TUBA3E: variants seen among roughly 807,000 people sequenced by gnomAD.
TUBA3E encodes tubulin alpha 3e.
TUBA3E carries 21 observed loss-of-function variants against 36.7 expected under a neutral mutation model. That is an observed-to-expected ratio of 0.57 (90% confidence interval 0.41 to 0.83). The LOEUF (loss-of-function observed/expected upper bound fraction) is 0.83. Among genes scored for constraint, TUBA3E ranks in the 40% least tolerant of loss-of-function variants. The probability of loss-of-function intolerance (pLI) is 0.00; values close to 1 mark genes in which losing one functional copy is unlikely to be tolerated. For synonymous variants in TUBA3E, 177 were observed against 241.9 expected (o/e 0.73, Z 2.49); for missense variants, 469 against 604.2 (o/e 0.78, Z 2.35).
chr2:130,197,597 G>C lies in TUBA3E; in HGVS notation c.3+761C>G, dbSNP rs533453821. Among the ~76,000 whole-genome samples, 674 of 127,312 alleles carry C rather than the reference G, an allele frequency of 5.3e-3. 165 individuals are homozygous for C. Among genetic ancestry groups the C allele is most frequent in the Non-Finnish European group, 8.7e-3 (500 of 57,162 alleles). 83.5% of individuals were successfully genotyped at this position (127,312 alleles called of 152,430 possible). On this transcript the variant is annotated intron_variant, in intron 1 of 4. Transcript: ENST00000312988. ...GACTTGGGACTTGGGAATCTGTTAT[G>C]TTAATGGGCTGCTTTTTTTGTTTGG...
chr2:130,193,809 C>T lies in TUBA3E; in HGVS notation c.1033G>A (p.Asp345Asn), dbSNP rs550973540. The change falls in exon 4 of 5, where the codon GAT becomes AAT. Residue 345 changes from aspartate to asparagine, a missense_variant. By Grantham distance (23) the Asp-to-Asn change is conservative. Around this residue, in one of 3 missense-constraint regions of TUBA3E, gnomAD observed 296 missense variants for 346.9 expected, o/e 0.85. Transcript: ENST00000312988. ...IKTKRTIQFV[D>N]WCPTGFKVGI... ...ACCTTAAATCCAGTCGGGCACCAAT[C>T]CACAAACTGGATAGTGCGCTTGGTC... 1 of 1,610,706 alleles carries T rather than the reference C, an allele frequency of 6.2e-7. No individual in the cohort carries two copies. Among genetic ancestry groups the T allele is most frequent in the East Asian group, 2.2e-5 (1 of 44,770 alleles).
chr2:130,194,500 G>A (rs2463341), intron 3 of TUBA3E, 34 bp from the exon 4 acceptor site: 95 of 1,519,496 alleles, frequency 6.3e-5, no homozygotes, highest in Middle Eastern at 2.1e-4. Flanking sequence ...GCCAATGCCC[G>A]TGGAAGCCAC....
At position 130,194,389 on chromosome 2, in the gene TUBA3E, A is replaced by C; in HGVS notation, c.453T>G (p.Ser151=). The change falls in exon 4 of 5, where the codon TCT becomes TCG. Residue 151 remains serine (S), a synonymous_variant. Coordinates refer to ENST00000312988, the MANE Select transcript of TUBA3E (RefSeq NM_207312.3). ...FGGGTGSGFA[S]LLMERLSVDY... is the part of the protein sequence containing the mutation. ...CCACTGAGAGCCGCTCCATGAGCAG[A>C]GATGCGAACCCAGAGCCAGTGCCGC... is the stretch of plus-strand genomic sequence containing the variant. 6.2e-7 allele frequency: 1 copy of C among 1,613,022 alleles called. No homozygotes were observed. The highest frequency in any genetic ancestry group is 8.5e-7 in the Non-Finnish European group (1 of 1,179,746).
rs147787284 is a variant in TUBA3E, at chr2:130,191,849, T to C, written c.1335A>G (p.Glu445=). The C allele has an allele frequency of 1.5e-3, 2,391 of 1,607,638 alleles. 47 individuals carry two copies. The African/African-American group carries it at 0.029, about 20-fold the overall frequency. Residue 445 remains glutamate, a synonymous_variant, in exon 5 of 5, where the codon GAA becomes GAG. Coordinates refer to ENST00000312988, the MANE Select transcript of TUBA3E (RefSeq NM_207312.3). ...CCTCCCCTCAGTATGCTTCGCCTTC[T>C]TCAGCCTCAGCTTCCACGGAATCCA... ...VGVDSVEAEA[E]EGEAY
intron 1 of TUBA3E, 145 bp downstream of exon 1, chr2:130,198,213 C>G: frequency 1.1e-6 from 1 of 939,344 alleles, no homozygotes. Flanking sequence ...AGGAAACGAT[C>G]CCGTGTCCTC....
intron 2 of TUBA3E, 101 bp downstream of exon 2, chr2:130,196,048 C>G (rs1690394398): frequency 7.4e-7 from 1 of 1,356,694 alleles, no homozygotes; most frequent in Admixed American, 2.6e-5. Context: ...GCCTGTCTAT[C>G]CCATCCTTTC....
intron 4 of TUBA3E, among the ~76,000 whole-genome samples, chr2:130,193,084 T>A (rs1472431734): frequency 7.7e-6 from 1 of 130,508 alleles, no homozygotes; most frequent in Non-Finnish European, 1.6e-5. Context: ...CAGAGCAAGA[T>A]TGTCTCAAAA....
chr2:130,193,302 A>G (rs1468578865), intron 4 of TUBA3E, among the ~76,000 whole-genome samples: 2 of 152,028 alleles, frequency 1.3e-5, no homozygotes, highest in Non-Finnish European at 2.9e-5. Context: ...GTGATGACTC[A>G]GAAAGAGTTC....
intron 3 of TUBA3E, among the ~76,000 whole-genome samples, chr2:130,194,837 C>T (rs1690364753): frequency 6.6e-6 from 1 of 152,106 alleles, no homozygotes. Flanking sequence ...GCCACCACAC[C>T]CAGCTAATTT....
At chr2:130,195,323 G>A in intron 2 of TUBA3E, 96 bp from the exon 3 acceptor site, 1 of 1,509,306 alleles carries the variant, frequency 6.6e-7, no homozygotes, top group Non-Finnish European at 8.9e-7. Flanking sequence ...AGCACATGCT[G>A]TTCAAAGTAC....
intron 1 of TUBA3E, among the ~76,000 whole-genome samples, chr2:130,196,826 C>T (rs58771060): frequency 0.016 from 2,499 of 152,260 alleles, 31 homozygotes; most frequent in African/African-American, 0.056. Context: ...CTCTGCCCCC[C>T]AGTTCTACCC....
intron 4 of TUBA3E, among the ~76,000 whole-genome samples, chr2:130,193,274 T>C (rs1258100707): frequency 6.6e-6 from 1 of 151,040 alleles, no homozygotes; most frequent in East Asian, 2.0e-4. Flanking sequence ...TAAATAAAGC[T>C]CACCACAGAT....
chr2:130,196,343 T>C lies in TUBA3E; in HGVS notation c.32A>G (p.Gln11Arg). The change falls in exon 2 of 5, where the codon CAG becomes CGG. Residue 11 changes from glutamine (Q) to arginine (R), a missense_variant. Around this residue, in one of 3 missense-constraint regions of TUBA3E, gnomAD observed 169 missense variants for 239.0 expected, o/e 0.71. Transcript: ENST00000312988. MRECISIHVG[Q>R]AGVQIGNACW... ...GGCATTGCCGATCTGGACACCCGCC[T>C]GCCCCACGTGGATAGAGATACACTC... 1 of 1,613,920 alleles carries C rather than the reference T, an allele frequency of 6.2e-7. No homozygotes were observed. The highest frequency in any genetic ancestry group is 8.5e-7 in the Non-Finnish European group (1 of 1,179,882).
Position 130,194,258 on chromosome 2 carries a change from A to G in TUBA3E, c.584T>C (p.Leu195Pro), listed in dbSNP as rs745886645. The G allele has an allele frequency of 6.2e-7, 1 of 1,605,094 alleles. No homozygotes were observed. Among genetic ancestry groups the G allele is most frequent in the South Asian group, 1.1e-5 (1 of 90,086 alleles). ...YNSILTTHTTLEHSDCAFMVD... is the reference protein window; with the variant it reads ...YNSILTTHTTPEHSDCAFMVD... ...CATGAAGGCACAGTCAGAATGTTCC[A>G]GGGTCGTGTGGGTGGTTAGGATGGA... is the stretch of plus-strand genomic sequence containing the variant. Residue 195 changes from leucine (L) to proline (P), a missense_variant, in exon 4 of 5, where the codon CTG (leucine) becomes CCG (proline). Transcript: ENST00000312988.
At position 130,195,126 on chromosome 2, in the gene TUBA3E, T is replaced by C; in HGVS notation, c.328A>G (p.Ile110Val). 5 of 1,613,198 alleles carry C rather than the reference T, an allele frequency of 3.1e-6. No homozygotes were observed. The highest frequency in any genetic ancestry group is 4.2e-6 in the Non-Finnish European group (5 of 1,179,584). Residue 110 changes from isoleucine to valine, a missense_variant, in exon 3 of 5, where the codon ATC (isoleucine) becomes GTC (valine). Around this residue, in one of 3 missense-constraint regions of TUBA3E, gnomAD observed 169 missense variants for 239.0 expected, o/e 0.71. Transcript: ENST00000312988. Reference sequence around the variant, plus strand: ...ACTAGGTCAACAATCTCCTTGCCGATGGTGTAATGGCCCCTGGCGTAATTA... The same window carrying C: ...ACTAGGTCAACAATCTCCTTGCCGACGGTGTAATGGCCCCTGGCGTAATTA... ...ASNYARGHYT[I>V]GKEIVDLVLD...
rs1690449552 is a variant in TUBA3E, at chr2:130,197,782, T to A, written c.3+576A>T. The stretch of plus-strand genomic sequence containing the variant: ...TCACCATGCCCGGGTAATTTTAGTA[T>A]TTTTTTGTAGAGACTGGGTTTCGCC... On this transcript the variant is annotated intron_variant, in intron 1 of 4. Transcript: ENST00000312988. Among the ~76,000 whole-genome samples, 2 of 123,436 alleles carry A rather than the reference T, an allele frequency of 1.6e-5. 1 individual carries two copies. Among genetic ancestry groups the A allele is most frequent in the Admixed American group, 1.8e-4 (2 of 11,020 alleles). 81.0% of individuals were successfully genotyped at this position (123,436 alleles called of 152,430 possible).
intron 4 of TUBA3E, among the ~76,000 whole-genome samples, chr2:130,193,022 G>A (rs1182513663): frequency 6.6e-6 from 1 of 151,808 alleles, no homozygotes; most frequent in Non-Finnish European, 1.5e-5. Flanking sequence ...GAACCCGGGA[G>A]GTGGAGGTTG....
chr2:130,195,184 C>G lies in TUBA3E; in HGVS notation c.270G>C (p.Glu90Asp). The change falls in exon 3 of 5, where the codon GAG becomes GAC. Residue 90 changes from glutamate (E) to aspartate (D), a missense_variant. By Grantham distance (45) the Glu-to-Asp change is conservative (BLOSUM62 2). Transcript: ENST00000312988. ...CATCTTCCTTCCCGGTGATCAGCTG[C>G]TCTGGGTGGAAGAGCTGCCTGTAGG... is the stretch of plus-strand genomic sequence containing the variant. ...TGTYRQLFHP[E>D]QLITGKEDAA... The G allele has an allele frequency of 6.2e-7, 1 of 1,614,072 alleles. No homozygotes were observed. The highest frequency in any genetic ancestry group is 1.3e-5 in the African/African-American group (1 of 74,956).
chr2:130,191,867 G>A lies in TUBA3E; in HGVS notation c.1317C>T (p.Ser439=), dbSNP rs144996545. 26 of 1,612,712 alleles carry A rather than the reference G, an allele frequency of 1.6e-5. 1 individual carries two copies. Among genetic ancestry groups the A allele is most frequent in the Middle Eastern group, 1.6e-4 (1 of 6,078 alleles). Residue 439 remains serine (S), a synonymous_variant, in exon 5 of 5, where the codon TCC becomes TCT. Transcript: ENST00000312988. ...CGCCTTCTTCAGCCTCAGCTTCCAC[G>A]GAATCCACGCCCACCTCTTCACAAT... ...EKDCEEVGVD[S]VEAEAEEGEA...
Sources: allele counts gnomAD v4.1 joint callset (sites outside exome capture counted in the v4.1 genomes callset), GRCh38; gene constraint gnomAD v4.1.1; regional missense constraint gnomAD v4.1.1; transcripts MANE v1.5; gene names NCBI Gene and HGNC (gene_info 2026-07-23, HGNC 2026-07-21).